CIB4: variants seen among roughly 807,000 people sequenced by gnomAD.
CIB4 encodes calcium and integrin-binding family member 4.
CIB4 carries 25 observed loss-of-function variants against 25.8 expected under a neutral mutation model. That is an observed-to-expected ratio of 0.97 (90% CI 0.71 to 1.35). CIB4 has a LOEUF of 1.35. Among genes scored for constraint, CIB4 ranks in the 40% most tolerant of loss-of-function variants. The probability of loss-of-function intolerance (pLI) is 0.00; values close to 1 mark genes in which losing one functional copy is unlikely to be tolerated. For synonymous variants in CIB4, 75 were observed against 81.4 expected, an observed-to-expected ratio of 0.92 and a Z score of 0.42; for missense variants, 235 against 228.2, an observed-to-expected ratio of 1.03 and a Z score of -0.19.
chr2:26,584,804 G>A (rs1460761828), intron 4 of CIB4, among the ~76,000 whole-genome samples: 4 of 152,158 alleles, frequency 2.6e-5, no homozygotes, highest in Non-Finnish European at 5.9e-5. Flanking sequence ...GGGAGCCCTG[G>A]GGACTCTGGG....
intron 4 of CIB4, among the ~76,000 whole-genome samples, chr2:26,589,005 CTTCTTCTTCTTCT>C: frequency 1.1e-4 from 2 of 18,904 alleles, no homozygotes; most frequent in South Asian, 6.0e-3. Context: ...TCTTCTTCTT[CTTCTTCTTCTTCT>C]TCTTCTTCTT....
chr2:26,581,536 T>A lies in CIB4; in HGVS notation c.528-143A>T, dbSNP rs1020049099. The stretch of plus-strand genomic sequence containing the variant: ...CTGGGTGACGGCCACTTTGCAGCCA[T>A]CCCAAAGCAACCCCAAACCTTCTTT... On this transcript the variant is annotated intron_variant, in intron 6 of 6. Transcript: ENST00000288861. 36 of 783,948 alleles carry A rather than the reference T, an allele frequency of 4.6e-5. No individual in the cohort carries two copies. In the Middle Eastern group the frequency reaches 1.4e-3, roughly 30 times the overall value. The allele number at this position is 783,948 out of a possible 1,614,324, so 48.6% of individuals were successfully genotyped here.
intron 2 of CIB4, among the ~76,000 whole-genome samples, chr2:26,634,523 T>C (rs144011014): frequency 3.7e-4 from 56 of 152,366 alleles, no homozygotes; most frequent in African/African-American, 1.3e-3. Context: ...TTTGATCTTC[T>C]GGTTGTCCTA....
At chr2:26,583,312 C>T (rs1668387923) in intron 5 of CIB4, among the ~76,000 whole-genome samples, 1 of 152,170 alleles carries the variant, frequency 6.6e-6, no homozygotes, top group African/African-American at 2.4e-5. Context: ...TTGTCATGTT[C>T]TGAAAGCAGA....
In CIB4 at chr2:26,618,759, C is replaced by G. The variant is rs149614413; in HGVS notation, c.186+10651G>C. ...ACCGCAGGGCAGCACTGGCGAGGTC[C>G]TTCCTGGGTCCTCATGGAGGAAGAA... On this transcript the variant is annotated intron_variant, in intron 3 of 6. Coordinates refer to ENST00000288861, the MANE Select transcript of CIB4 (RefSeq NM_001029881.3). Among the ~76,000 whole-genome samples, 373 of 152,308 alleles carry G rather than the reference C, an allele frequency of 2.4e-3. 2 individuals carry two copies. Among genetic ancestry groups the G allele is most frequent in the African/African-American group, 8.6e-3 (358 of 41,562 alleles).
At chr2:26,617,698 TC>T (rs966270951) in intron 3 of CIB4, among the ~76,000 whole-genome samples, 2 of 152,172 alleles carry the variant, frequency 1.3e-5, no homozygotes, top group Non-Finnish European at 2.9e-5. Context: ...AGGAGGATTA[TC>T]ACCGGGTCCA....
At chr2:26,636,577 C>T (rs1387200947) in intron 2 of CIB4, among the ~76,000 whole-genome samples, 1 of 152,136 alleles carries the variant, frequency 6.6e-6, no homozygotes, top group African/African-American at 2.4e-5. Flanking sequence ...TTCGTTTTGC[C>T]TCTAGGTTGA....
At chr2:26,588,545 G>T (rs1446750516) in intron 4 of CIB4, among the ~76,000 whole-genome samples, 1 of 152,222 alleles carries the variant, frequency 6.6e-6, no homozygotes, top group Non-Finnish European at 1.5e-5. Context: ...TCTGACCATT[G>T]TCACTCGAAG....
In CIB4 at chr2:26,627,713, A is replaced by G. The variant is rs970893622; in HGVS notation, c.186+1697T>C. Among the ~76,000 whole-genome samples, 1 of 151,710 alleles carries G rather than the reference A, an allele frequency of 6.6e-6. No homozygotes were observed. The highest frequency in any genetic ancestry group is 1.5e-5 in the Non-Finnish European group (1 of 67,910). ...ATTCACTCACCTTTCTGAGGTTTCT[A>G]TTTCTTTCCCCTCCAGAATCCCAGC... On this transcript the variant is annotated intron_variant, in intron 3 of 6. Transcript: ENST00000288861. This position sits in a 1 kb window ranked among gnomAD's most constrained non-coding sequence, Gnocchi z 4.0.
chr2:26,589,342 A>G (rs1668543644), intron 4 of CIB4, among the ~76,000 whole-genome samples: 1 of 149,316 alleles, frequency 6.7e-6, no homozygotes, highest in Non-Finnish European at 1.5e-5. Flanking sequence ...TATTTTTGAG[A>G]CAGAGTCTCA....
At chr2:26,619,007 G>A (rs1231047819) in intron 3 of CIB4, among the ~76,000 whole-genome samples, 1 of 152,178 alleles carries the variant, frequency 6.6e-6, no homozygotes, top group Non-Finnish European at 1.5e-5. Flanking sequence ...TGAGTCTCCT[G>A]TTCTTTATCC....
intron 3 of CIB4, among the ~76,000 whole-genome samples, chr2:26,615,979 C>A (rs999803376): frequency 6.6e-6 from 1 of 152,214 alleles, no homozygotes; most frequent in African/African-American, 2.4e-5. Flanking sequence ...TGGCATCAGG[C>A]GTCGGGACCC....
chr2:26,618,042 T>C (rs2148215508), intron 3 of CIB4, among the ~76,000 whole-genome samples: 1 of 152,308 alleles, frequency 6.6e-6, no homozygotes. Context: ...CTATGAAGGC[T>C]GGCTCACCCT....
At chr2:26,589,060 C>CTTCTTCTTCTTCTTCTTCTTCT (rs762556634) in intron 4 of CIB4, among the ~76,000 whole-genome samples, 2 of 36,494 alleles carry the variant, frequency 5.5e-5, no homozygotes, top group South Asian at 1.3e-3. Context: ...CTTCTTCTTC[C>CTTCTTCTTCTTCTTCTTCTTCT]TCTTCCTCTT....
chr2:26,611,412 C>T (rs1012609470), intron 3 of CIB4, among the ~76,000 whole-genome samples: 1 of 152,220 alleles, frequency 6.6e-6, no homozygotes, highest in Non-Finnish European at 1.5e-5. Flanking sequence ...AGAGGGAGGT[C>T]TCTAGTGATG....
chr2:26,633,805 C>A (rs952805399), intron 2 of CIB4, among the ~76,000 whole-genome samples: 2 of 152,176 alleles, frequency 1.3e-5, no homozygotes, highest in East Asian at 1.9e-4. Flanking sequence ...GGGCTGCCTG[C>A]GGGCTCAGGG....
intron 5 of CIB4, among the ~76,000 whole-genome samples, 166 bp downstream of exon 5, chr2:26,583,623 C>G (rs1332150118): frequency 6.6e-6 from 1 of 152,212 alleles, no homozygotes; most frequent in East Asian, 1.9e-4. Context: ...TGCCTGTCCC[C>G]TTGGCAGCCC....
intron 3 of CIB4, among the ~76,000 whole-genome samples, chr2:26,628,405 G>T (rs1669349523): frequency 6.6e-6 from 1 of 152,118 alleles, no homozygotes; most frequent in African/African-American, 2.4e-5. Context: ...CCATTTTACA[G>T]GTGAGGAAAC....
At chr2:26,617,120 ATGTGTG>A (rs3220777) in intron 3 of CIB4, among the ~76,000 whole-genome samples, 1 of 137,792 alleles carries the variant, frequency 7.3e-6, no homozygotes, top group East Asian at 2.0e-4. Flanking sequence ...AGAGCATGGA[ATGTGTG>A]TGTGTGTGTG....
Sources: gnomAD v4.1 joint callset for allele counts (sites outside exome capture counted in the v4.1 genomes callset) on GRCh38, gnomAD v4.1.1 for gene constraint, Gnocchi (gnomAD v3.1) non-coding constraint, MANE v1.5 for transcripts, NCBI Gene and HGNC (gene_info 2026-07-23, HGNC 2026-07-21) for gene names.